The following SLC22A11 variants were observed in gnomAD, a reference collection of about 807,000 sequenced individuals.
SLC22A11 encodes organic anion transporter 4.
Under a neutral mutation model 49.4 loss-of-function variants are expected in SLC22A11, and 42 were observed. The observed-to-expected ratio is 0.85, with a 90% CI of 0.66 to 1.10. The LOEUF (loss-of-function observed/expected upper bound fraction) is 1.10, where lower values mean the gene tolerates loss of function less well. Ranked by LOEUF, SLC22A11 falls within the 50% of genes least tolerant of loss-of-function variation. SLC22A11 has a pLI of 0.00. For missense variants in SLC22A11, 685 were observed against 731.6 expected (o/e 0.94, Z 0.74); for synonymous variants, 304 against 315.8 (o/e 0.96, Z 0.40).
Position 64,572,168 on chromosome 11 carries a change from C to T in SLC22A11, c.*1126C>T, listed in dbSNP as rs2038713364. On this transcript the variant is annotated 3_prime_UTR_variant, in exon 10 of 10. Coordinates refer to ENST00000301891, the MANE Select transcript of SLC22A11 (RefSeq NM_018484.4). ...TAACTTTCGGCTTTCAACCAAACGG[C>T]ACCCTTTTGCTGTTTGTTTTCTGGA... The T allele has an allele frequency of 6.6e-6, 1 of 152,298 alleles. No individual in the cohort carries two copies. Among genetic ancestry groups the T allele is most frequent in the South Asian group, 2.1e-4 (1 of 4,836 alleles). The allele number at this position is 152,298 out of a possible 1,614,324, so 9.4% of individuals were successfully genotyped here.
At position 64,571,264 on chromosome 11, in the gene SLC22A11, C is replaced by T. The variant is rs926493664; in HGVS notation, c.*222C>T. The T allele has an allele frequency of 1.9e-5, 11 of 573,054 alleles. No homozygotes were observed. Among genetic ancestry groups the T allele is most frequent in the African/African-American group, 1.1e-4 (6 of 53,272 alleles). 35.5% of individuals were successfully genotyped at this position (573,054 alleles called of 1,614,324 possible). A position where few individuals can be genotyped will look rare whatever the true frequency, so the allele number is the denominator to read the frequency against. ...GCCCTGATCAGATTCCCCACCTTAC[C>T]CGGGCCCTACAGGAGCCTGTGCAGA... On this transcript the variant is annotated 3_prime_UTR_variant, in exon 10 of 10. Transcript: ENST00000301891.
At position 64,563,610 on chromosome 11, in the gene SLC22A11, T is replaced by TAAAAAAAAAAAAAAAAAAAAAA. The variant is rs869085115; in HGVS notation, c.822-691_822-670dup. 4.6e-5 allele frequency among the ~76,000 whole-genome samples: 2 copies of TAAAAAAAAAAAAAAAAAAAAAA among 43,842 alleles called. 1 individual carries two copies. The highest frequency in any genetic ancestry group is 7.6e-5 in the Non-Finnish European group (2 of 26,288). 28.8% of individuals were successfully genotyped at this position (43,842 alleles called of 152,430 possible). A position where few individuals can be genotyped will look rare whatever the true frequency, so the allele number is the denominator to read the frequency against. On this transcript the variant is annotated intron_variant, in intron 4 of 9. Coordinates refer to ENST00000301891, the MANE Select transcript of SLC22A11 (RefSeq NM_018484.4). ...CTGCCTGGGGATATTTTAAATGTGC[T>TAAAAAAAAAAAAAAAAAAAAAA]AAAAAAAAAAAAAAAAAAAAAAAAA...
At chr11:64,570,135 G>A (rs2038684816) in intron 9 of SLC22A11, among the ~76,000 whole-genome samples, 1 of 152,250 alleles carries the variant, frequency 6.6e-6, no homozygotes, top group Non-Finnish European at 1.5e-5. Flanking sequence ...AGGCTTGGCA[G>A]CCAGGTTGCC....
In SLC22A11 at chr11:64,556,189, A is replaced by G. The variant is rs1331477132; in HGVS notation, c.190A>G (p.Met64Val). The stretch of plus-strand genomic sequence containing the variant: ...CAATGGCTCTGCGGTTTCCACAAAC[A>G]TGACCCCCAAGGCCCTTCTGACCAT... ...LDNGSAVSTN[M>V]TPKALLTISI... The change falls in exon 1 of 10, where the codon ATG (methionine) becomes GTG (valine). Residue 64 changes from methionine (M) to valine (V), a missense_variant. Met to Val is a conservative substitution (Grantham distance 21, BLOSUM62 1). Coordinates refer to ENST00000301891, the MANE Select transcript of SLC22A11 (RefSeq NM_018484.4). The G allele has an allele frequency of 2.5e-6, 4 of 1,614,010 alleles. No homozygotes were observed. Among genetic ancestry groups the G allele is most frequent in the Admixed American group, 3.3e-5 (2 of 60,008 alleles).
intron 2 of SLC22A11, among the ~76,000 whole-genome samples, chr11:64,560,976 A>T (rs1364085580): frequency 3.3e-5 from 5 of 152,176 alleles, no homozygotes. Context: ...TCCCCCCAGC[A>T]GTGGGGTCTC....
chr11:64,569,523 TA>T, intron 8 of SLC22A11, 128 bp from the exon 9 acceptor site: 1 of 921,508 alleles, frequency 1.1e-6, no homozygotes, highest in Non-Finnish European at 1.7e-6. Flanking sequence ...GAGGTGGCAT[TA>T]GAGGAGGCCT....
At position 64,567,614 on chromosome 11, in the gene SLC22A11, C is replaced by A. The variant is rs990525611; in HGVS notation, c.1074C>A (p.Ile358=). ...TTGCCCGCAGTTTCTCTCTATTGATCTCCTACTATGGGCTGGTCTTCGACC... is the reference window on the plus strand; with the variant it reads ...TTGCCCGCAGTTTCTCTCTATTGATATCCTACTATGGGCTGGTCTTCGACC... ...AMLVVNFSLL[I]SYYGLVFDLQ... The change falls in exon 7 of 10, where the codon ATC becomes ATA. Residue 358 remains isoleucine (I), a synonymous_variant. Transcript: ENST00000301891. 1 of 1,614,054 alleles carries A rather than the reference C, an allele frequency of 6.2e-7. No homozygotes were observed. Among genetic ancestry groups the A allele is most frequent in the Non-Finnish European group, 8.5e-7 (1 of 1,180,016 alleles).
chr11:64,567,048 C>G (rs755213842), intron 6 of SLC22A11, among the ~76,000 whole-genome samples: 6 of 152,008 alleles, frequency 3.9e-5, no homozygotes, highest in Admixed American at 2.6e-4. Flanking sequence ...GGAGCTGGGG[C>G]CTTTCTGGGT....
In SLC22A11 at chr11:64,561,969, C is replaced by T. The variant is rs770995006; in HGVS notation, c.498-35C>T. 3.2e-6 allele frequency: 5 copies of T among 1,581,748 alleles called. No homozygotes were observed. In the Admixed American group the frequency reaches 8.9e-5, roughly 28 times the overall value. On this transcript the variant is annotated intron_variant, in intron 2 of 9. Coordinates refer to ENST00000301891, the MANE Select transcript of SLC22A11 (RefSeq NM_018484.4). ...CACATATCCACGTCCTCAGGGGCCCCTCTCCAGGCCCCGTGTGCTTCTCTC... is the reference window on the plus strand; with the variant it reads ...CACATATCCACGTCCTCAGGGGCCCTTCTCCAGGCCCCGTGTGCTTCTCTC...
chr11:64,567,344 A>G (rs2038638971), intron 6 of SLC22A11, among the ~76,000 whole-genome samples: 1 of 152,224 alleles, frequency 6.6e-6, no homozygotes, highest in African/African-American at 2.4e-5. Context: ...GCCCCAGCGC[A>G]TCGCTGCCCC....
In SLC22A11 at chr11:64,569,797, T is replaced by C; in HGVS notation, c.1528T>C (p.Phe510Leu). 6.2e-7 allele frequency: 1 copy of C among 1,614,118 alleles called. No homozygotes were observed. The highest frequency in any genetic ancestry group is 1.1e-5 in the South Asian group (1 of 91,070). ...ISIASSLVVL[F>L]FLPETQGLPL... is the part of the protein sequence containing the mutation. ...CATTGCTTCCAGCCTGGTTGTGCTG[T>C]TCTTCCTCCCGGAGACCCAGGGACT... Residue 510 changes from phenylalanine to leucine, a missense_variant, in exon 9 of 10, where the codon TTC becomes CTC. Transcript: ENST00000301891.
rs2038700495 is a variant in SLC22A11 at position 64,571,293 on chromosome 11, C to A, written c.*251C>A. On this transcript the variant is annotated 3_prime_UTR_variant, in exon 10 of 10. Coordinates refer to ENST00000301891, the MANE Select transcript of SLC22A11 (RefSeq NM_018484.4). Reference sequence around the variant, plus strand: ...GCCCTACAGGAGCCTGTGCAGATGGCCATGCCCAACCAATAACGAGACGGT... The same window carrying A: ...GCCCTACAGGAGCCTGTGCAGATGGACATGCCCAACCAATAACGAGACGGT... 2.0e-6 allele frequency: 1 copy of A among 502,558 alleles called. No individual in the cohort carries two copies. Among genetic ancestry groups the A allele is most frequent in the Non-Finnish European group, 3.6e-6 (1 of 281,518 alleles). 31.1% of individuals were successfully genotyped at this position (502,558 alleles called of 1,614,324 possible).
At position 64,556,284 on chromosome 11, in the gene SLC22A11, C is replaced by T. The variant is rs1489311708; in HGVS notation, c.285C>T (p.Leu95=). Residue 95 remains leucine (L), a synonymous_variant, in exon 1 of 10, where the codon CTC becomes CTT. Transcript: ENST00000301891. The part of the protein sequence containing the change: ...CRRFRQPQWQ[L]LDPNATATSW... ...GCTTCCGCCAGCCACAGTGGCAGCT[C>T]TTGGACCCCAATGCCACGGCCACCA... is the stretch of plus-strand genomic sequence containing the variant. 1 of 1,613,956 alleles carries T rather than the reference C, an allele frequency of 6.2e-7. No homozygotes were observed. Among genetic ancestry groups the T allele is most frequent in the Non-Finnish European group, 8.5e-7 (1 of 1,180,030 alleles).
At chr11:64,557,733 A>G (rs762008092) in intron 1 of SLC22A11, among the ~76,000 whole-genome samples, 15 of 149,286 alleles carry the variant, frequency 1.0e-4, no homozygotes, top group Admixed American at 2.7e-4. Context: ...CCGGCCTCCA[A>G]TGATCCTCGT....
rs772954382 is a variant in SLC22A11 at position 64,564,095 on chromosome 11, C to T, written c.822-213C>T. Among the ~76,000 whole-genome samples, 2 of 152,132 alleles carry T rather than the reference C, an allele frequency of 1.3e-5. No individual in the cohort carries two copies. The highest frequency in any genetic ancestry group is 2.9e-5 in the Non-Finnish European group (2 of 68,014). Reference sequence around the variant, plus strand: ...CCAGGCGAGCCAGATGGAGGTGGCTCGCTTGGGAAGGTGGGCGGCCAGGCA... The same window carrying T: ...CCAGGCGAGCCAGATGGAGGTGGCTTGCTTGGGAAGGTGGGCGGCCAGGCA... On this transcript the variant is annotated intron_variant, in intron 4 of 9. Transcript: ENST00000301891. This position sits in a 1 kb window ranked among gnomAD's most constrained non-coding sequence, Gnocchi z 4.2.
At chr11:64,559,656 T>C (rs1001503474) in intron 2 of SLC22A11, among the ~76,000 whole-genome samples, 4 of 149,180 alleles carry the variant, frequency 2.7e-5, no homozygotes, top group African/African-American at 9.9e-5. Flanking sequence ...GGCCAAACAC[T>C]AGCCAGGTGC....
At position 64,556,329 on chromosome 11, in the gene SLC22A11, G is replaced by A. The variant is rs774860411; in HGVS notation, c.330G>A (p.Thr110=). 156 of 1,613,354 alleles carry A rather than the reference G, an allele frequency of 9.7e-5. No homozygotes were observed. Among genetic ancestry groups the A allele is most frequent in the South Asian group, 5.7e-4 (52 of 91,070 alleles). ...CCACCAGCTGGAGCGAAGCTGACAC[G>A]GAGCCGTGTGTGGACGGCTGGGTCT... The part of the protein sequence containing the change: ...ATATSWSEAD[T]EPCVDGWVYD... Residue 110 remains threonine, a synonymous_variant, in exon 1 of 10, where the codon ACG becomes ACA. Transcript: ENST00000301891.
In SLC22A11 at chr11:64,567,741, C is replaced by T. The variant is rs373906134; in HGVS notation, c.1201C>T (p.Arg401Cys). The part of the protein sequence containing the change: ...TTALLLSFLG[R>C]RTIQAGSQAM... ...TGCCCTCTTGCTCAGTTTCCTTGGC[C>T]GCCGCACCATCCAGGCGGGTTCCCA... is the stretch of plus-strand genomic sequence containing the variant. Residue 401 changes from arginine to cysteine, a missense_variant, in exon 7 of 10, where the codon CGC becomes TGC. Transcript: ENST00000301891. The T allele has an allele frequency of 1.9e-6, 3 of 1,613,254 alleles. No homozygotes were observed. The highest frequency in any genetic ancestry group is 2.7e-5 in the African/African-American group (2 of 74,930).
In SLC22A11 at chr11:64,556,767, C is replaced by G. The variant is rs570703134; in HGVS notation, c.393+375C>G. 1.8e-4 allele frequency among the ~76,000 whole-genome samples: 27 copies of G among 152,136 alleles called. No individual in the cohort carries two copies. In the East Asian group the frequency reaches 5.2e-3, roughly 29 times the overall value. ...CCAACAGGCTTCTTGCTGAGACAGG[C>G]CAGGGTGACACACGTCACCCTAGAG... On this transcript the variant is annotated intron_variant, in intron 1 of 9. Coordinates refer to ENST00000301891, the MANE Select transcript of SLC22A11 (RefSeq NM_018484.4).
Sources: allele counts gnomAD v4.1 joint callset (sites outside exome capture counted in the v4.1 genomes callset), GRCh38; gene constraint gnomAD v4.1.1; non-coding constraint Gnocchi (gnomAD v3.1); transcripts MANE v1.5; gene names NCBI Gene and HGNC (gene_info 2026-07-23, HGNC 2026-07-21).